Variants in ZDHHC20 observed in about 807,000 individuals in gnomAD.
The protein encoded by ZDHHC20 is palmitoyltransferase ZDHHC20.
A neutral mutation model predicts 57.8 loss-of-function variants in ZDHHC20; 43 were observed. The ratio of observed to expected loss-of-function variants is 0.74; its 90% CI spans 0.58 to 0.96. ZDHHC20 has a LOEUF of 0.96. Ranked by LOEUF, ZDHHC20 falls within the 40% of genes least tolerant of loss-of-function variation. The probability of loss-of-function intolerance (pLI) is 0.00; values close to 1 mark genes in which losing one functional copy is unlikely to be tolerated. For missense variants in ZDHHC20, 391 were observed against 441.1 expected, an observed-to-expected ratio of 0.89 and a Z score of 1.02; for synonymous variants, 157 against 153.0, an observed-to-expected ratio of 1.03 and a Z score of -0.19.
At chr13:21,411,327 C>T (rs918479845) in intron 4 of ZDHHC20, among the ~76,000 whole-genome samples, 22 of 152,118 alleles carry the variant, frequency 1.4e-4, no homozygotes, top group African/African-American at 2.4e-4. Context: ...CCCGATTGAC[C>T]GAGTATGTTA....
At chr13:21,391,633 TG>T in intron 8 of ZDHHC20, 88 bp downstream of exon 8, 1 of 1,373,504 alleles carries the variant, frequency 7.3e-7, no homozygotes, top group Non-Finnish European at 9.9e-7. Flanking sequence ...CTTACACTTC[TG>T]TATCATCTGA....
At position 21,400,490 on chromosome 13, in the gene ZDHHC20, C is replaced by T; in HGVS notation, c.477G>A (p.Val159=). 6.5e-7 allele frequency: 1 copy of T among 1,543,712 alleles called. No individual in the cohort carries two copies. The highest frequency in any genetic ancestry group is 8.7e-7 in the Non-Finnish European group (1 of 1,146,924). The change falls in exon 7 of 13, where the codon GTG becomes GTA. Residue 159 remains valine, a synonymous_variant. Transcript: ENST00000400590. Reference sequence around the variant, plus strand: ...AATTAGAAAATCCCACACAGTTATTCACCCTGGAAAAATAAAGAAAGCCAC... The same window carrying T: ...AATTAGAAAATCCCACACAGTTATTTACCCTGGAAAAATAAAGAAAGCCAC... ...ILKMDHHCPW[V]NNCVGFSNYK... is the part of the protein sequence containing the mutation.
intron 4 of ZDHHC20, among the ~76,000 whole-genome samples, chr13:21,411,849 T>C (rs895875309): frequency 6.6e-6 from 1 of 152,216 alleles, no homozygotes; most frequent in African/African-American, 2.4e-5. Flanking sequence ...GCAGGAAATA[T>C]AGAAGTGAAC....
At chr13:21,427,244 G>A (rs1881371181) in intron 1 of ZDHHC20, among the ~76,000 whole-genome samples, 1 of 152,078 alleles carries the variant, frequency 6.6e-6, no homozygotes, top group Non-Finnish European at 1.5e-5. Context: ...TCTTAGAATA[G>A]TAACAACCCT....
chr13:21,417,654 G>A (rs1281213298), intron 3 of ZDHHC20, among the ~76,000 whole-genome samples: 1 of 152,102 alleles, frequency 6.6e-6, no homozygotes, highest in Non-Finnish European at 1.5e-5. Flanking sequence ...GGTCAGGCTG[G>A]TCTCGAACTC....
At chr13:21,396,435 T>C (rs1876796073) in intron 7 of ZDHHC20, among the ~76,000 whole-genome samples, 1 of 152,126 alleles carries the variant, frequency 6.6e-6, no homozygotes, top group Non-Finnish European at 1.5e-5. Context: ...TATAAATTTA[T>C]ATGGAATAGA....
chr13:21,412,014 C>T (rs530246525), intron 4 of ZDHHC20, among the ~76,000 whole-genome samples: 2 of 152,274 alleles, frequency 1.3e-5, no homozygotes, highest in African/African-American at 4.8e-5. Context: ...GAGCTACAAA[C>T]GCTGGATTGA....
chr13:21,443,639 T>C (rs887249639), intron 1 of ZDHHC20, among the ~76,000 whole-genome samples: 10 of 152,192 alleles, frequency 6.6e-5, no homozygotes, highest in African/African-American at 2.4e-4. Context: ...AGTTATAAAC[T>C]GAAGAAAAAT....
intron 1 of ZDHHC20, among the ~76,000 whole-genome samples, chr13:21,441,846 T>C (rs1231912944): frequency 4.6e-5 from 7 of 152,310 alleles, no homozygotes; most frequent in Non-Finnish European, 1.5e-5. Context: ...ACATACACTA[T>C]CAGATAATCT....
intron 4 of ZDHHC20, chr13:21,404,192 A>G: frequency 2.4e-6 from 1 of 411,094 alleles, no homozygotes. Context: ...TTTTCCATAC[A>G]GAATACATTT....
chr13:21,432,536 G>C (rs1165056470), intron 1 of ZDHHC20, among the ~76,000 whole-genome samples: 1 of 152,162 alleles, frequency 6.6e-6, no homozygotes, highest in Non-Finnish European at 1.5e-5. Flanking sequence ...GTTTCACCAT[G>C]TTAGCCAAGG....
At chr13:21,432,496 A>AT (rs970124615) in intron 1 of ZDHHC20, among the ~76,000 whole-genome samples, 11 of 151,542 alleles carry the variant, frequency 7.3e-5, no homozygotes, top group South Asian at 2.1e-4. Context: ...TGCCTGACTA[A>AT]TTTTTTTTGT....
intron 1 of ZDHHC20, among the ~76,000 whole-genome samples, chr13:21,426,609 T>TTC (rs1881283406): frequency 6.8e-6 from 1 of 146,558 alleles, no homozygotes; most frequent in East Asian, 2.0e-4. Context: ...CTCCTTTTCT[T>TTC]TTTTTTTTTT....
chr13:21,441,391 C>CT (rs1405638106), intron 1 of ZDHHC20, among the ~76,000 whole-genome samples: 3,511 of 143,670 alleles, frequency 0.024, 127 homozygotes, highest in African/African-American at 0.083. Flanking sequence ...TCTTTTCTCT[C>CT]TTTTTTTTTT....
Position 21,393,767 on chromosome 13 carries a change from G to A in ZDHHC20, c.595-1913C>T, listed in dbSNP as rs567165878. On this transcript the variant is annotated intron_variant, in intron 7 of 12. Transcript: ENST00000400590. ...CACTAAGGCACCAGAGCTAGGGCTA[G>A]TCTTTAACTCCTGGTCTTAAGTGAT... Among the ~76,000 whole-genome samples, 5 of 143,936 alleles carry A rather than the reference G, an allele frequency of 3.5e-5. No individual in the cohort carries two copies. The South Asian group carries it at 1.2e-3, about 34-fold the overall frequency. 94.4% of individuals were successfully genotyped at this position (143,936 alleles called of 152,430 possible).
At chr13:21,419,366 C>A (rs1187158799) in intron 3 of ZDHHC20, among the ~76,000 whole-genome samples, 1 of 152,146 alleles carries the variant, frequency 6.6e-6, no homozygotes, top group Non-Finnish European at 1.5e-5. Flanking sequence ...AGGCATCTAT[C>A]CAAAAGAACT....
chr13:21,459,167 G>T lies in ZDHHC20; in HGVS notation c.5C>A (p.Ala2Glu). ...GCAGCAGCGCCACAGCGTCCAGGGC[G>T]CCATGTTCCGCTGGCGGCTGCCGAG... Reference protein sequence around the residue: MAPWTLWRCCQR... With the variant: MEPWTLWRCCQR... Residue 2 changes from alanine to glutamate, a missense_variant, in exon 1 of 13, where the codon GCG (alanine) becomes GAG (glutamate). Around this residue, in one of 3 missense-constraint regions of ZDHHC20, gnomAD observed 185 missense variants for 188.0 expected, o/e 0.98. Transcript: ENST00000400590. 6.3e-7 allele frequency: 1 copy of T among 1,597,674 alleles called. No individual in the cohort carries two copies. The highest frequency in any genetic ancestry group is 2.3e-5 in the East Asian group (1 of 43,614).
chr13:21,399,175 T>C (rs528596024), intron 7 of ZDHHC20, among the ~76,000 whole-genome samples: 1 of 152,112 alleles, frequency 6.6e-6, no homozygotes, highest in South Asian at 2.1e-4. Context: ...AAACCCTGTC[T>C]CTACTAAAAA....
chr13:21,416,583 C>T (rs972975511), intron 3 of ZDHHC20, among the ~76,000 whole-genome samples: 1 of 152,050 alleles, frequency 6.6e-6, no homozygotes, highest in African/African-American at 2.4e-5. Flanking sequence ...TTACAAAATA[C>T]GAATCAGCAT....
Sources: allele counts gnomAD v4.1 joint callset (sites outside exome capture counted in the v4.1 genomes callset), GRCh38; gene constraint gnomAD v4.1.1; regional missense constraint gnomAD v4.1.1; transcripts MANE v1.5; gene names NCBI Gene and HGNC (gene_info 2026-07-23, HGNC 2026-07-21).